Variants in CADPS observed in about 807,000 individuals in gnomAD.
CADPS encodes the protein calcium dependent secretion activator, also known as calcium-dependent secretion activator 1.
Under a neutral mutation model 167.3 loss-of-function variants are expected in CADPS, and 57 were observed. The observed-to-expected ratio is 0.34, with a 90% CI of 0.28 to 0.42. CADPS has a LOEUF of 0.42. Among genes scored for constraint, CADPS ranks in the 20% least tolerant of loss-of-function variants. The pLI is 1.00. For missense variants in CADPS, 1,414 were observed against 1,738.1 expected (o/e 0.81, Z 3.32); for synonymous variants, 676 against 635.3 (o/e 1.06, Z -0.96).
intron 6 of CADPS, among the ~76,000 whole-genome samples, chr3:62,617,974 T>C (rs1335633737): frequency 6.6e-6 from 1 of 152,120 alleles, no homozygotes; most frequent in African/African-American, 2.4e-5. Context: ...GTACACATGG[T>C]TTGGGTGAAG....
intron 3 of CADPS, among the ~76,000 whole-genome samples, chr3:62,742,954 A>G (rs1393433586): frequency 6.6e-6 from 1 of 152,178 alleles, no homozygotes; most frequent in African/African-American, 2.4e-5. Flanking sequence ...ACCCAATTAA[A>G]AAGTAGGCAA....
At chr3:62,424,317 G>A (rs917046376) in intron 28 of CADPS, among the ~76,000 whole-genome samples, 18 of 152,096 alleles carry the variant, frequency 1.2e-4, no homozygotes, top group African/African-American at 3.9e-4. Context: ...CCGAGTAGGT[G>A]GGGCTACAGG....
intron 1 of CADPS, among the ~76,000 whole-genome samples, chr3:62,830,024 T>G (rs1207720118): frequency 6.6e-6 from 1 of 152,146 alleles, no homozygotes; most frequent in Non-Finnish European, 1.5e-5. Context: ...GGTGGGTAGT[T>G]AGGTGGGTGG....
chr3:62,491,504 G>C, intron 20 of CADPS, 24 bp from the exon 21 acceptor site: 1 of 1,601,748 alleles, frequency 6.2e-7, no homozygotes, highest in Non-Finnish European at 8.5e-7. Context: ...GCAAAAGCTT[G>C]TTAAGAACCC....
intron 3 of CADPS, among the ~76,000 whole-genome samples, chr3:62,739,544 T>C (rs2079743577): frequency 6.6e-6 from 1 of 152,238 alleles, no homozygotes; most frequent in African/African-American, 2.4e-5. Flanking sequence ...CTAATGATCC[T>C]TGTTAAATCT....
At chr3:62,860,247 G>A (rs2080523485) in intron 1 of CADPS, among the ~76,000 whole-genome samples, 1 of 152,142 alleles carries the variant, frequency 6.6e-6, no homozygotes, top group Admixed American at 6.6e-5. Context: ...TAAGCCTTTG[G>A]TAAACAGTGT....
At chr3:62,516,259 A>T in intron 15 of CADPS, 77 bp from the exon 16 acceptor site, 1 of 1,545,772 alleles carries the variant, frequency 6.5e-7, no homozygotes, top group Non-Finnish European at 8.9e-7. Flanking sequence ...TAGAAGCGTG[A>T]AAGTTTAAAA....
intron 13 of CADPS, among the ~76,000 whole-genome samples, chr3:62,525,212 G>A (rs148548499): frequency 6.6e-6 from 1 of 152,208 alleles, no homozygotes; most frequent in Non-Finnish European, 1.5e-5. Context: ...TTCATGTCTC[G>A]ATGGGAGAAT....
At chr3:62,565,040 C>T (rs757275252) in intron 9 of CADPS, among the ~76,000 whole-genome samples, 3 of 152,296 alleles carry the variant, frequency 2.0e-5, no homozygotes, top group Non-Finnish European at 4.4e-5. Context: ...CGGGGTGGGG[C>T]GTTCTGGCTA....
At chr3:62,821,373 T>A (rs1302684963) in intron 1 of CADPS, among the ~76,000 whole-genome samples, 2 of 152,126 alleles carry the variant, frequency 1.3e-5, no homozygotes, top group Non-Finnish European at 2.9e-5. Flanking sequence ...AACAGAAATA[T>A]ATTATTTTGC....
chr3:62,516,697 A>G, intron 14 of CADPS, 54 bp from the exon 15 acceptor site: 2 of 1,280,098 alleles, frequency 1.6e-6, no homozygotes, highest in Non-Finnish European at 2.2e-6. Context: ...TTAGCATGAA[A>G]TATGCTGCAA....
At chr3:62,471,467 T>G (rs960654841) in intron 24 of CADPS, among the ~76,000 whole-genome samples, 1 of 152,076 alleles carries the variant, frequency 6.6e-6, no homozygotes, top group African/African-American at 2.4e-5. Context: ...ATATTCTCAG[T>G]GAAGTTTGTG....
chr3:62,772,143 A>T (rs1423471062), intron 1 of CADPS, among the ~76,000 whole-genome samples: 1 of 152,218 alleles, frequency 6.6e-6, no homozygotes, highest in Non-Finnish European at 1.5e-5. Flanking sequence ...GTAAGGACTC[A>T]ATAATAAAAA....
chr3:62,462,975 G>A (rs1247358105), intron 26 of CADPS, among the ~76,000 whole-genome samples: 1 of 152,178 alleles, frequency 6.6e-6, no homozygotes, highest in Non-Finnish European at 1.5e-5. Flanking sequence ...TTTGGCCTGG[G>A]GTGGCCAAGT....
chr3:62,666,190 G>A (rs2074367173), intron 3 of CADPS, among the ~76,000 whole-genome samples: 1 of 152,150 alleles, frequency 6.6e-6, no homozygotes, highest in African/African-American at 2.4e-5. Flanking sequence ...CCCTTGCTCT[G>A]TTAGACTTTA....
intron 1 of CADPS, among the ~76,000 whole-genome samples, chr3:62,849,016 C>T (rs2078026822): frequency 6.9e-6 from 1 of 145,548 alleles, no homozygotes. Flanking sequence ...AGTTGGATTC[C>T]TAGGTATTTT....
At chr3:62,701,428 C>T (rs1436186680) in intron 3 of CADPS, among the ~76,000 whole-genome samples, 1 of 151,636 alleles carries the variant, frequency 6.6e-6, no homozygotes. Context: ...ACTCTGTGAC[C>T]ACTGAGGAGT....
intron 3 of CADPS, among the ~76,000 whole-genome samples, chr3:62,738,798 C>T (rs1466638541): frequency 1.3e-5 from 2 of 152,082 alleles, no homozygotes; most frequent in Non-Finnish European, 2.9e-5. Context: ...ACCTTCAGGT[C>T]TTAATTCCAT....
intron 27 of CADPS, among the ~76,000 whole-genome samples, chr3:62,442,630 A>G (rs2056540206): frequency 6.6e-6 from 1 of 152,272 alleles, no homozygotes; most frequent in East Asian, 1.9e-4. Flanking sequence ...TGAGCTACCA[A>G]TGTGCTCTCA....
Sources: gnomAD v4.1 joint callset for allele counts (sites outside exome capture counted in the v4.1 genomes callset) on GRCh38, gnomAD v4.1.1 for gene constraint, MANE v1.5 for transcripts, NCBI Gene and HGNC (gene_info 2026-07-23, HGNC 2026-07-21) for gene names.